C1orf21: variants seen among roughly 807,000 people sequenced by gnomAD.
The protein encoded by C1orf21 is chromosome 1 open reading frame 21, also known as uncharacterized protein C1orf21.
Under a neutral mutation model 18.7 loss-of-function variants are expected in C1orf21, and 3 were observed. That is an observed-to-expected ratio of 0.16 (90% CI 0.07 to 0.42). The LOEUF (loss-of-function observed/expected upper bound fraction) is 0.42, where lower values mean the gene tolerates loss of function less well. Ranked by LOEUF, C1orf21 falls within the 10% of genes least tolerant of loss-of-function variation. C1orf21 has a pLI of 0.99. For missense variants in C1orf21, 104 were observed against 143.6 expected (o/e 0.72, Z 1.41); for synonymous variants, 41 against 46.4 (o/e 0.88, Z 0.47).
At chr1:184,548,445 C>T (rs1249338462) in intron 3 of C1orf21, among the ~76,000 whole-genome samples, 1 of 136,446 alleles carries the variant, frequency 7.3e-6, no homozygotes, top group Non-Finnish European at 1.5e-5. Flanking sequence ...GACGGAGTCT[C>T]CCTCTGTCGC....
chr1:184,591,326 A>G (rs921211300), intron 4 of C1orf21, among the ~76,000 whole-genome samples: 1 of 152,206 alleles, frequency 6.6e-6, no homozygotes, highest in Non-Finnish European at 1.5e-5. Context: ...CCTACAATAC[A>G]TGACAAAGCT....
chr1:184,568,903 G>A (rs1659070888), intron 3 of C1orf21, among the ~76,000 whole-genome samples: 1 of 152,172 alleles, frequency 6.6e-6, no homozygotes, highest in African/African-American at 2.4e-5. Flanking sequence ...GAGGACAAAT[G>A]TTCATTCGTT....
intron 1 of C1orf21, among the ~76,000 whole-genome samples, chr1:184,463,138 C>G (rs143551032): frequency 2.7e-5 from 4 of 150,410 alleles, no homozygotes; most frequent in Non-Finnish European, 5.9e-5. Context: ...CATGTGCAGG[C>G]AGTTGTTGGT....
At chr1:184,609,540 G>A (rs537496445) in intron 5 of C1orf21, among the ~76,000 whole-genome samples, 11 of 152,334 alleles carry the variant, frequency 7.2e-5, no homozygotes, top group African/African-American at 2.6e-4. Flanking sequence ...CCTGGGGGAG[G>A]TGTGTGAGGC....
intron 3 of C1orf21, chr1:184,566,656 AG>A (rs1659039550): frequency 2.5e-6 from 1 of 397,924 alleles, no homozygotes; most frequent in Non-Finnish European, 5.0e-6. Flanking sequence ...ATAGTATGTA[AG>A]GGAAATTTCA....
intron 2 of C1orf21, 130 bp from the exon 3 acceptor site, chr1:184,507,458 C>A: frequency 2.9e-6 from 2 of 694,918 alleles, no homozygotes; most frequent in Non-Finnish European, 4.7e-6. Flanking sequence ...CCAGATTGTT[C>A]CAAATGAACC....
chr1:184,458,682 T>C (rs1269400185), intron 1 of C1orf21, among the ~76,000 whole-genome samples: 2 of 152,240 alleles, frequency 1.3e-5, no homozygotes, highest in Non-Finnish European at 2.9e-5. Context: ...TCATTAAATA[T>C]TTCAAAATTT....
intron 3 of C1orf21, among the ~76,000 whole-genome samples, chr1:184,576,261 A>G (rs1401660509): frequency 6.6e-6 from 1 of 152,134 alleles, no homozygotes; most frequent in African/African-American, 2.4e-5. Flanking sequence ...AGTAGCTGGA[A>G]TTATAGGCAT....
intron 3 of C1orf21, among the ~76,000 whole-genome samples, chr1:184,510,259 T>G (rs1357060454): frequency 6.6e-6 from 1 of 152,232 alleles, no homozygotes; most frequent in Non-Finnish European, 1.5e-5. Flanking sequence ...GAGCTTACGG[T>G]ATATTTTCGC....
intron 3 of C1orf21, among the ~76,000 whole-genome samples, chr1:184,565,316 T>A (rs1659020560): frequency 6.6e-6 from 1 of 152,224 alleles, no homozygotes; most frequent in Non-Finnish European, 1.5e-5. Flanking sequence ...TTAATCTCAT[T>A]TGATATAATA....
chr1:184,505,532 G>A (rs1275275158), intron 2 of C1orf21, among the ~76,000 whole-genome samples: 1 of 151,638 alleles, frequency 6.6e-6, no homozygotes, highest in Non-Finnish European at 1.5e-5. Context: ...GGAGGCCGAG[G>A]CAGATGGATC....
At chr1:184,514,162 G>C (rs1335283286) in intron 3 of C1orf21, among the ~76,000 whole-genome samples, 8 of 152,110 alleles carry the variant, frequency 5.3e-5, no homozygotes, top group Non-Finnish European at 1.0e-4. Context: ...AGAATTAGCT[G>C]TGCCTTGTGG....
chr1:184,608,225 C>G (rs146275656), intron 5 of C1orf21, among the ~76,000 whole-genome samples: 2,467 of 152,260 alleles, frequency 0.016, 48 homozygotes, highest in Non-Finnish European at 0.02. Context: ...TTACATTCTT[C>G]ATACTTTTCT....
chr1:184,548,896 C>T (rs61825205), intron 3 of C1orf21, among the ~76,000 whole-genome samples: 36,718 of 151,866 alleles, frequency 0.24, 4,725 homozygotes, highest in African/African-American at 0.33. Flanking sequence ...TTAAAATTAC[C>T]ATAGTTATCA....
chr1:184,562,230 A>C (rs952475266), intron 3 of C1orf21, among the ~76,000 whole-genome samples: 3 of 152,166 alleles, frequency 2.0e-5, no homozygotes, highest in Non-Finnish European at 4.4e-5. Flanking sequence ...CATAAGCAAC[A>C]ATTTTCCTGG....
intron 3 of C1orf21, among the ~76,000 whole-genome samples, chr1:184,560,574 A>G (rs1052160763): frequency 5.9e-5 from 9 of 152,158 alleles, no homozygotes; most frequent in Non-Finnish European, 1.2e-4. Flanking sequence ...TGTAAAACCT[A>G]ATTAGCTGAA....
chr1:184,486,229 A>G (rs1657730760), intron 2 of C1orf21, among the ~76,000 whole-genome samples: 1 of 152,214 alleles, frequency 6.6e-6, no homozygotes, highest in Non-Finnish European at 1.5e-5. Context: ...TTCCTGGGCC[A>G]TGCTGATGCT....
chr1:184,523,798 T>A (rs1658339929), intron 3 of C1orf21, among the ~76,000 whole-genome samples: 1 of 152,168 alleles, frequency 6.6e-6, no homozygotes, highest in Admixed American at 6.5e-5. Flanking sequence ...GAAATGCCAT[T>A]TGAATATGCC....
chr1:184,400,579 T>G (rs2207524), intron 1 of C1orf21, among the ~76,000 whole-genome samples: 13,986 of 152,234 alleles, frequency 0.092, 1,952 homozygotes, highest in African/African-American at 0.3. Flanking sequence ...CTCATTGCAT[T>G]TTACAACTGC....
Sources: allele counts gnomAD v4.1 joint callset (sites outside exome capture counted in the v4.1 genomes callset), GRCh38; gene constraint gnomAD v4.1.1; transcripts MANE v1.5; gene names NCBI Gene and HGNC (gene_info 2026-07-23, HGNC 2026-07-21).